The following DENND2B variants were observed in gnomAD, a reference collection of about 807,000 sequenced individuals.
DENND2B encodes DENN domain-containing protein 2B.
Under a neutral mutation model 116.0 loss-of-function variants are expected in DENND2B, and 32 were observed. That is an observed-to-expected ratio of 0.28 (90% CI 0.21 to 0.37). The LOEUF (loss-of-function observed/expected upper bound fraction) is 0.37, where lower values mean the gene tolerates loss of function less well. Among genes scored for constraint, DENND2B ranks in the 10% least tolerant of loss-of-function variants. The probability of loss-of-function intolerance (pLI) is 1.00; values close to 1 mark genes in which losing one functional copy is unlikely to be tolerated. For synonymous variants in DENND2B, 588 were observed against 583.9 expected (o/e 1.01, Z -0.10); for missense variants, 1,276 against 1,477.7 (o/e 0.86, Z 2.24).
At chr11:8,811,068 G>C (rs1046633119), upstream of DENND2B, 7 of 385,610 alleles carry the variant, frequency 1.8e-5, no homozygotes, top group Non-Finnish European at 2.7e-5. Flanking sequence ...CCAGGGGGGA[G>C]GGAGCTAGCT....
intron 15 of DENND2B, 53 bp from the exon 16 acceptor site, chr11:8,699,027 C>A: frequency 6.2e-7 from 1 of 1,606,734 alleles, no homozygotes; most frequent in Non-Finnish European, 8.5e-7. Context: ...CCCGCAATGC[C>A]CTCTGCCAGG....
At chr11:8,789,505 T>C (rs2059190544) in intron 1 of DENND2B, among the ~76,000 whole-genome samples, 2 of 152,298 alleles carry the variant, frequency 1.3e-5, no homozygotes, top group Admixed American at 6.5e-5. Context: ...TCAATAATAA[T>C]GGGCCAGCCA....
intron 11 of DENND2B, chr11:8,708,227 G>C: frequency 8.2e-7 from 1 of 1,224,642 alleles, no homozygotes; most frequent in Non-Finnish European, 1.0e-6. Flanking sequence ...GGAAGGACTA[G>C]GGTACATCCT....
intron 2 of DENND2B, among the ~76,000 whole-genome samples, chr11:8,748,081 G>A (rs1389663780): frequency 6.6e-6 from 1 of 151,958 alleles, no homozygotes; most frequent in African/African-American, 2.4e-5. Flanking sequence ...TAGAACCACT[G>A]GGTTCCTCTG....
At chr11:8,719,214 G>A in intron 4 of DENND2B, 2 of 985,462 alleles carry the variant, frequency 2.0e-6, no homozygotes, top group Non-Finnish European at 1.2e-6. Context: ...CGGGAGAAGA[G>A]CCAATCCCTA....
chr11:8,875,855 C>T (rs1470055484), upstream of DENND2B, among the ~76,000 whole-genome samples: 1 of 152,140 alleles, frequency 6.6e-6, no homozygotes, highest in Non-Finnish European at 1.5e-5. Context: ...AATCTTTTGA[C>T]TTTACCATGG....
chr11:8,855,511 T>C (rs1418556250), intron 3 of DENND2B, among the ~76,000 whole-genome samples: 1 of 151,676 alleles, frequency 6.6e-6, no homozygotes, highest in Non-Finnish European at 1.5e-5. Flanking sequence ...ACCAAGCCCC[T>C]GCCAGCATCC....
chr11:8,718,092 A>AGCCCACCCCCCCCCCCCCCCCCCCCCCCC (rs369119901), intron 4 of DENND2B, 200 bp from the exon 5 acceptor site: 1 of 242,092 alleles, frequency 4.1e-6, no homozygotes. Flanking sequence ...CCAGAAGCAG[A>AGCCCACCCCCCCCCCCCCCCCCCCCCCCC]CCCACCCCCC....
chr11:8,856,406 A>T (rs936748435), intron 3 of DENND2B, among the ~76,000 whole-genome samples: 2 of 152,242 alleles, frequency 1.3e-5, no homozygotes, highest in African/African-American at 2.4e-5. Flanking sequence ...AAAAATTTTT[A>T]AAGTATCATA....
intron 2 of DENND2B, among the ~76,000 whole-genome samples, chr11:8,747,859 A>G (rs947981625): frequency 6.6e-5 from 10 of 152,238 alleles, no homozygotes; most frequent in Admixed American, 5.9e-4. Context: ...GGAATAAATT[A>G]GCAACACACC....
At chr11:8,758,665 A>T (rs1369119706) in intron 1 of DENND2B, among the ~76,000 whole-genome samples, 1 of 152,162 alleles carries the variant, frequency 6.6e-6, no homozygotes, top group Non-Finnish European at 1.5e-5. Flanking sequence ...AAAATGAGAA[A>T]ATTTACCATC....
intron 1 of DENND2B, among the ~76,000 whole-genome samples, chr11:8,906,954 T>C (rs2064246281): frequency 6.6e-6 from 1 of 152,228 alleles, no homozygotes; most frequent in East Asian, 1.9e-4. Flanking sequence ...TCTGGCACAG[T>C]ACCCACTTTT....
chr11:8,776,472 ACCGGTGGGAGGGGCTTC>A (rs1293802023), intron 1 of DENND2B: 1 of 347,444 alleles, frequency 2.9e-6, no homozygotes, highest in Non-Finnish European at 5.7e-6. Flanking sequence ...CAGGCTCCTG[ACCGGTGGGAGGGGCTTC>A]AACATGAACT....
intron 1 of DENND2B, among the ~76,000 whole-genome samples, chr11:8,786,885 G>C (rs762405881): frequency 6.6e-6 from 1 of 152,046 alleles, no homozygotes; most frequent in South Asian, 2.1e-4. Flanking sequence ...CCTTTTCTTC[G>C]GTGCTGATGT....
chr11:8,735,307 C>T (rs1783977948), intron 2 of DENND2B, among the ~76,000 whole-genome samples: 1 of 152,186 alleles, frequency 6.6e-6, no homozygotes, highest in South Asian at 2.1e-4. Context: ...CGAGGCACCT[C>T]TGTCAATAGC....
At chr11:8,724,778 T>G (rs1272735206) in intron 4 of DENND2B, among the ~76,000 whole-genome samples, 1 of 152,194 alleles carries the variant, frequency 6.6e-6, no homozygotes, top group Admixed American at 6.5e-5. Flanking sequence ...AAGACAGAGA[T>G]AGTGTCTCCC....
chr11:8,845,452 C>T (rs1489022001), intron 3 of DENND2B: 1 of 152,210 alleles, frequency 6.6e-6, no homozygotes, highest in African/African-American at 2.4e-5. Flanking sequence ...TATCTACCAA[C>T]TGACAATGCC....
intron 1 of DENND2B, among the ~76,000 whole-genome samples, chr11:8,887,707 G>T (rs1166114589): frequency 6.6e-6 from 1 of 152,044 alleles, no homozygotes; most frequent in Non-Finnish European, 1.5e-5. Context: ...GCCCAGTCTT[G>T]CCTGGTCACA....
At chr11:8,868,514 T>C (rs1466688035) in intron 2 of DENND2B, among the ~76,000 whole-genome samples, 1 of 152,228 alleles carries the variant, frequency 6.6e-6, no homozygotes, top group Non-Finnish European at 1.5e-5. Flanking sequence ...CCCATGTTAG[T>C]CTGAGAGCCA....
Sources: allele counts gnomAD v4.1 joint callset (sites outside exome capture counted in the v4.1 genomes callset), GRCh38; gene constraint gnomAD v4.1.1; transcripts MANE v1.5; gene names NCBI Gene and HGNC (gene_info 2026-07-23, HGNC 2026-07-21).